CHDH: variants seen among roughly 807,000 people sequenced by gnomAD.
CHDH encodes the protein choline dehydrogenase, mitochondrial.
A neutral mutation model predicts 56.9 loss-of-function variants in CHDH; 43 were observed. The observed-to-expected ratio is 0.76, with a 90% CI of 0.59 to 0.97. The LOEUF (loss-of-function observed/expected upper bound fraction) is 0.97, where lower values mean the gene tolerates loss of function less well. Among genes scored for constraint, CHDH ranks in the 50% least tolerant of loss-of-function variants. The pLI, the probability that CHDH is intolerant of heterozygous loss-of-function variation, is 0.00. For missense variants in CHDH, 816 were observed against 821.1 expected, an observed-to-expected ratio of 0.99 and a Z score of 0.08; for synonymous variants, 364 against 348.5, an observed-to-expected ratio of 1.04 and a Z score of -0.50.
In CHDH at chr3:53,818,106, G is replaced by C. The variant is rs200221651; in HGVS notation, c.1456C>G (p.Leu486Val). Residue 486 changes from leucine to valine, a missense_variant, in exon 9 of 9, where the codon CTC becomes GTC. Coordinates refer to ENST00000315251, the MANE Select transcript of CHDH (RefSeq NM_018397.5). ...EALAPFRGKE[L>V]QPGSHIQSDK... ...GACTGAATGTGGCTTCCTGGCTGGAGCTCTTTCCCTCGGAACGGAGCCAGG... is the reference window on the plus strand; with the variant it reads ...GACTGAATGTGGCTTCCTGGCTGGACCTCTTTCCCTCGGAACGGAGCCAGG... 3.5e-5 allele frequency: 57 copies of C among 1,613,908 alleles called. No homozygotes were observed. Among genetic ancestry groups the C allele is most frequent in the Non-Finnish European group, 4.5e-5 (53 of 1,179,934 alleles).
At position 53,821,634 on chromosome 3, in the gene CHDH, G is replaced by C; in HGVS notation, c.985+13C>G. 1 of 1,612,232 alleles carries C rather than the reference G, an allele frequency of 6.2e-7. No homozygotes were observed. The highest frequency in any genetic ancestry group is 8.5e-7 in the Non-Finnish European group (1 of 1,178,428). On this transcript the variant is annotated intron_variant, in intron 5 of 8. Transcript: ENST00000315251. The stretch of plus-strand genomic sequence containing the variant: ...GAGACAGCCTCTGGGGAGCAGTAAA[G>C]AAGGGGACTCACCAGGTAGGTGGCA...
rs1026041634 is a variant in CHDH at position 53,816,844 on chromosome 3, T to G, written c.*933A>C. On this transcript the variant is annotated 3_prime_UTR_variant, in exon 9 of 9. Transcript: ENST00000315251. ...TAAGGTCCAAAAAAATCTCAGGTTT[T>G]TTTTTTTTTTTTTTTTTTTGAGACA... The G allele has an allele frequency of 2.1e-4, 19 of 89,866 alleles. No individual in the cohort carries two copies. Among genetic ancestry groups the G allele is most frequent in the African/African-American group, 1.3e-3 (18 of 13,548 alleles). 5.6% of individuals were successfully genotyped at this position (89,866 alleles called of 1,614,324 possible).
chr3:53,843,293 G>A (rs967565905), intron 1 of CHDH, among the ~76,000 whole-genome samples: 1 of 147,132 alleles, frequency 6.8e-6, no homozygotes, highest in Non-Finnish European at 1.5e-5. Flanking sequence ...TTTCTTCTGC[G>A]TTTCCTAACA....
At chr3:53,821,102 C>G (rs563181255) in intron 5 of CHDH, among the ~76,000 whole-genome samples, 2 of 152,376 alleles carry the variant, frequency 1.3e-5, no homozygotes, top group African/African-American at 4.8e-5. Flanking sequence ...CTTCCCCGGG[C>G]CCCTCATGAT....
Position 53,812,375 on chromosome 3 carries a change from T to A in CHDH, c.*5402A>T, listed in dbSNP as rs139267150. The stretch of plus-strand genomic sequence containing the variant: ...TTTATTCAGCGAAAATCCTCTGGGG[T>A]TAAAATTTTAAGTTTGAAAGAACTT... On this transcript the variant is annotated 3_prime_UTR_variant, in exon 9 of 9. Transcript: ENST00000315251. 61 of 152,326 alleles carry A rather than the reference T, an allele frequency of 4.0e-4. 1 individual carries two copies. In the East Asian group the frequency reaches 0.011, roughly 28 times the overall value. The allele number at this position is 152,326 out of a possible 1,614,324, so 9.4% of individuals were successfully genotyped here. A position where few individuals can be genotyped will look rare whatever the true frequency, so the allele number is the denominator to read the frequency against.
chr3:53,822,711 C>G lies in CHDH; in HGVS notation c.704-69G>C. On this transcript the variant is annotated intron_variant, in intron 3 of 8. Coordinates refer to ENST00000315251, the MANE Select transcript of CHDH (RefSeq NM_018397.5). The stretch of plus-strand genomic sequence containing the variant: ...CTGGCACCTGGGCAGGAGGAAGGAG[C>G]TGGAGAAAGAAAGAGTGGATATGCC... 5 of 1,551,840 alleles carry G rather than the reference C, an allele frequency of 3.2e-6. No individual in the cohort carries two copies. In the African/African-American group the frequency reaches 5.4e-5, roughly 17 times the overall value.
At chr3:53,841,855 T>C (rs1283481704) in intron 1 of CHDH, among the ~76,000 whole-genome samples, 2 of 152,016 alleles carry the variant, frequency 1.3e-5, no homozygotes, top group South Asian at 2.1e-4. Context: ...AGTTATAAAA[T>C]AAACTCACAG....
chr3:53,833,857 G>C (rs1698414184), intron 2 of CHDH, among the ~76,000 whole-genome samples: 1 of 152,162 alleles, frequency 6.6e-6, no homozygotes, highest in Non-Finnish European at 1.5e-5. Flanking sequence ...AGACTCATGT[G>C]ACATGAGTCC....
chr3:53,834,996 T>C (rs1698453382), intron 2 of CHDH, among the ~76,000 whole-genome samples: 1 of 152,198 alleles, frequency 6.6e-6, no homozygotes, highest in Non-Finnish European at 1.5e-5. Context: ...CAATGATAAA[T>C]AATGATTCCA....
chr3:53,839,274 C>G (rs1241893138), intron 2 of CHDH, among the ~76,000 whole-genome samples: 4 of 152,232 alleles, frequency 2.6e-5, no homozygotes, highest in Non-Finnish European at 4.4e-5. Flanking sequence ...GATCAATCCA[C>G]CGACTCACAA....
At chr3:53,820,677 G>A (rs905737252) in intron 5 of CHDH, 69 bp from the exon 6 acceptor site, 109 of 1,547,628 alleles carry the variant, frequency 7.0e-5, no homozygotes, top group Admixed American at 1.5e-4. Flanking sequence ...ATATCCCCCC[G>A]GTTTTGAAAA....
chr3:53,838,009 ATCG>A (rs1438302120), intron 2 of CHDH, among the ~76,000 whole-genome samples: 2 of 140,586 alleles, frequency 1.4e-5, no homozygotes, highest in East Asian at 4.6e-4. Flanking sequence ...ATGAGCCAAG[ATCG>A]TATCACTGCA....
chr3:53,824,074 C>T lies in CHDH; in HGVS notation c.-59-7G>A. 1 of 1,359,082 alleles carries T rather than the reference C, an allele frequency of 7.4e-7. No homozygotes were observed. The highest frequency in any genetic ancestry group is 9.6e-7 in the Non-Finnish European group (1 of 1,045,648). The allele number at this position is 1,359,082 out of a possible 1,614,324, so 84.2% of individuals were successfully genotyped here. A position where few individuals can be genotyped will look rare whatever the true frequency, so the allele number is the denominator to read the frequency against. On this transcript the variant is annotated splice_polypyrimidine_tract_variant and splice_region_variant and intron_variant, in intron 2 of 8. Coordinates refer to ENST00000315251, the MANE Select transcript of CHDH (RefSeq NM_018397.5). ...TGAGATGACTCACTTCTCCCTAAAA[C>T]AGGAAGAGGGGCTTTAAAAATCTTA... is the stretch of plus-strand genomic sequence containing the variant.
rs752401699 is a variant in CHDH at position 53,823,636 on chromosome 3, C to T, written c.373G>A (p.Gly125Ser). ...GATGAGGAGCCACCCCAGACGCGGCCGCGTGGCCAGTACAGCACGCGGCCG... is the reference window on the plus strand; with the variant it reads ...GATGAGGAGCCACCCCAGACGCGGCTGCGTGGCCAGTACAGCACGCGGCCG... ...LDGRVLYWPR[G>S]RVWGGSSSLN... Residue 125 changes from glycine to serine, a missense_variant, in exon 3 of 9, where the codon GGC becomes AGC. Coordinates refer to ENST00000315251, the MANE Select transcript of CHDH (RefSeq NM_018397.5). 6 of 1,544,122 alleles carry T rather than the reference C, an allele frequency of 3.9e-6. No individual in the cohort carries two copies. Among genetic ancestry groups the T allele is most frequent in the Non-Finnish European group, 4.4e-6 (5 of 1,146,236 alleles).
intron 5 of CHDH, 47 bp from the exon 6 acceptor site, chr3:53,820,655 A>C: frequency 6.3e-7 from 1 of 1,582,246 alleles, no homozygotes; most frequent in Non-Finnish European, 8.6e-7. Context: ...AAGGGGGCTC[A>C]GCTGCTTCTC....
intron 2 of CHDH, among the ~76,000 whole-genome samples, chr3:53,832,517 G>A (rs955085464): frequency 6.6e-6 from 1 of 152,004 alleles, no homozygotes; most frequent in African/African-American, 2.4e-5. Flanking sequence ...GGGCGACAGA[G>A]CGAGACTCCA....
In CHDH at chr3:53,817,774, G is replaced by A. The variant is rs759630876; in HGVS notation, c.*3C>T. On this transcript the variant is annotated 3_prime_UTR_variant, in exon 9 of 9. Transcript: ENST00000315251. ...CCCTGGTCATCCTCCAGCAGCAACT[G>A]TCTTAGCGCTGGGTGGCCAGCGTCC... is the stretch of plus-strand genomic sequence containing the variant. The A allele has an allele frequency of 6.3e-7, 1 of 1,591,520 alleles. No individual in the cohort carries two copies. Among genetic ancestry groups the A allele is most frequent in the Non-Finnish European group, 8.6e-7 (1 of 1,168,848 alleles).
chr3:53,822,725 A>T, intron 3 of CHDH, 83 bp from the exon 4 acceptor site: 1 of 1,506,182 alleles, frequency 6.6e-7, no homozygotes, highest in Non-Finnish European at 9.0e-7. Context: ...AGAAAGAAAG[A>T]GTGGATATGC....
chr3:53,824,178 A>G (rs971814626), intron 2 of CHDH, 111 bp from the exon 3 acceptor site: 35 of 588,446 alleles, frequency 5.9e-5, no homozygotes, highest in Non-Finnish European at 9.4e-5. Context: ...TGGCTGCTCA[A>G]AGGAACTAGG....
Sources: allele counts gnomAD v4.1 joint callset (sites outside exome capture counted in the v4.1 genomes callset), GRCh38; gene constraint gnomAD v4.1.1; transcripts MANE v1.5; gene names NCBI Gene and HGNC (gene_info 2026-07-23, HGNC 2026-07-21).